The following STOX1 variants were observed in gnomAD, a reference collection of about 807,000 sequenced individuals.
The protein encoded by STOX1 is storkhead box 1.
Under a neutral mutation model 74.8 loss-of-function variants are expected in STOX1, and 57 were observed. That is an observed-to-expected ratio of 0.76 (90% CI 0.62 to 0.95). The LOEUF (loss-of-function observed/expected upper bound fraction) is 0.95, where lower values mean the gene tolerates loss of function less well. STOX1 is among the 40% of genes least tolerant of loss of function. The pLI is 0.00. For synonymous variants in STOX1, 375 were observed against 401.3 expected, an observed-to-expected ratio of 0.93 and a Z score of 0.78; for missense variants, 1,010 against 1,117.0, an observed-to-expected ratio of 0.90 and a Z score of 1.37.
chr10:68,883,898 T>A (rs1057014042), intron 2 of STOX1, among the ~76,000 whole-genome samples: 2 of 151,608 alleles, frequency 1.3e-5, no homozygotes, highest in Non-Finnish European at 2.9e-5. Flanking sequence ...TGTTTAAAAA[T>A]TTTTTTGTAG....
In STOX1 at chr10:68,886,152, A is replaced by G. The variant is rs1424530060; in HGVS notation, c.2356A>G (p.Met786Val). The change falls in exon 3 of 4, where the codon ATG becomes GTG. Residue 786 changes from methionine (M) to valine (V), a missense_variant. Met to Val is a conservative substitution (Grantham distance 21). Transcript: ENST00000298596. ...ATCTCTGACCGAGTACAACAGCACA[A>G]TGGAGAGGGTTGAGTCTCAGGTGCT... ...ERSLTEYNSTMERVESQVLKR... is the reference protein window; with the variant it reads ...ERSLTEYNSTVERVESQVLKR... The G allele has an allele frequency of 1.7e-5, 27 of 1,614,100 alleles. No homozygotes were observed. Among genetic ancestry groups the G allele is most frequent in the East Asian group, 4.5e-5 (2 of 44,902 alleles).
At chr10:68,868,219 G>A (rs1217455150) in intron 1 of STOX1, among the ~76,000 whole-genome samples, 3 of 152,176 alleles carry the variant, frequency 2.0e-5, no homozygotes, top group African/African-American at 7.2e-5. Flanking sequence ...GGGATCGGGG[G>A]GCTAACAGCC....
intron 1 of STOX1, chr10:68,829,057 A>G (rs574406120): frequency 1.1e-6 from 1 of 929,418 alleles, no homozygotes; most frequent in African/African-American, 1.8e-5. Context: ...TGCAAGGGCC[A>G]TTTGATGGTG....
At chr10:68,836,824 C>T (rs979679316) in intron 1 of STOX1, among the ~76,000 whole-genome samples, 6 of 152,232 alleles carry the variant, frequency 3.9e-5, no homozygotes, top group Admixed American at 3.9e-4. Context: ...TCATCTGTGT[C>T]AGGAGGCCTC....
intron 3 of STOX1, among the ~76,000 whole-genome samples, chr10:68,892,128 G>A (rs1841112902): frequency 6.6e-6 from 1 of 152,076 alleles, no homozygotes; most frequent in East Asian, 1.9e-4. Flanking sequence ...TGAGTTAGCT[G>A]AAGCAAGGCA....
intron 1 of STOX1, among the ~76,000 whole-genome samples, chr10:68,860,058 G>A (rs370851629): frequency 2.0e-4 from 31 of 152,026 alleles, no homozygotes; most frequent in African/African-American, 7.2e-4. Flanking sequence ...ATGGGAGGTC[G>A]AGATGGGCAG....
chr10:68,885,710 GCATAGTCTGC>G lies in STOX1; in HGVS notation c.1918_1927del (p.Ser640HisfsTer16), dbSNP rs758203492. Reference sequence around the variant, plus strand: ...AATTAGGGGAGACCAAACAGACTCCGCATAGTCTGCCATCACGAGGTGCCTCCTTTTCAGA... The same window carrying G: ...AATTAGGGGAGACCAAACAGACTCCGCATCACGAGGTGCCTCCTTTTCAGA... On this transcript the variant is annotated frameshift_variant, in exon 3 of 4. Coordinates refer to ENST00000298596, the MANE Select transcript of STOX1 (RefSeq NM_152709.5). LOFTEE classifies it high-confidence loss of function. 6.2e-6 allele frequency: 10 copies of G among 1,613,982 alleles called. No homozygotes were observed. Among genetic ancestry groups the G allele is most frequent in the Non-Finnish European group, 8.5e-6 (10 of 1,180,044 alleles).
chr10:68,841,168 A>T (rs915631222), intron 1 of STOX1, among the ~76,000 whole-genome samples: 2 of 150,790 alleles, frequency 1.3e-5, no homozygotes, highest in Admixed American at 1.3e-4. Context: ...GCTGGTCTTG[A>T]ACTCTTGACC....
At chr10:68,891,355 TAAG>T (rs2132007694) in intron 3 of STOX1, among the ~76,000 whole-genome samples, 1 of 152,254 alleles carries the variant, frequency 6.6e-6, no homozygotes, top group South Asian at 2.1e-4. Flanking sequence ...AAGTTGAACT[TAAG>T]AACAAAGCAT....
At chr10:68,857,909 T>C (rs1469960799) in intron 1 of STOX1, among the ~76,000 whole-genome samples, 3 of 151,948 alleles carry the variant, frequency 2.0e-5, no homozygotes, top group Non-Finnish European at 4.4e-5. Context: ...GTGGGGCACT[T>C]GGGAGAGGGG....
At chr10:68,850,264 T>A (rs574717520) in intron 1 of STOX1, among the ~76,000 whole-genome samples, 1 of 152,344 alleles carries the variant, frequency 6.6e-6, no homozygotes, top group African/African-American at 2.4e-5. Context: ...TGCCTCGGCC[T>A]CCCAAAGTGC....
At chr10:68,883,144 A>G (rs868246216) in intron 2 of STOX1, among the ~76,000 whole-genome samples, 2 of 151,924 alleles carry the variant, frequency 1.3e-5, no homozygotes, top group Middle Eastern at 3.4e-3. Context: ...TTGGGAGGCC[A>G]AGGTGGGCGG....
At chr10:68,846,116 GTTTTTA>G (rs554202076) in intron 1 of STOX1, among the ~76,000 whole-genome samples, 7,024 of 93,822 alleles carry the variant, frequency 0.075, 190 homozygotes, top group South Asian at 0.12. Context: ...ATGGCTTGAG[GTTTTTA>G]TTATTATTAT....
chr10:68,851,701 T>C (rs1839987031), intron 1 of STOX1, among the ~76,000 whole-genome samples: 1 of 151,332 alleles, frequency 6.6e-6, no homozygotes, highest in South Asian at 2.1e-4. Flanking sequence ...GTTAGCTGGG[T>C]GTGGTGGTGT....
chr10:68,834,722 T>C (rs779776276), intron 1 of STOX1, among the ~76,000 whole-genome samples: 4 of 152,198 alleles, frequency 2.6e-5, no homozygotes, highest in Non-Finnish European at 5.9e-5. Flanking sequence ...TTTGGAATTA[T>C]TTTTTCTTTT....
rs1051661142 is a variant in STOX1 at position 68,860,708 on chromosome 10, T to G, written c.311-21250T>G. On this transcript the variant is annotated intron_variant, in intron 1 of 3. Transcript: ENST00000298596. ...AGGCGAGGGAAAATTTGATTGGGTG[T>G]GTGTGTTAAATGGGCCAACCAGTGT... 8.6e-5 allele frequency among the ~76,000 whole-genome samples: 13 copies of G among 151,692 alleles called. 1 individual carries two copies. The highest frequency in any genetic ancestry group is 2.9e-4 in the African/African-American group (12 of 41,166).
chr10:68,876,991 A>C (rs542583611), intron 1 of STOX1, among the ~76,000 whole-genome samples: 429 of 152,302 alleles, frequency 2.8e-3, no homozygotes, highest in African/African-American at 9.6e-3. Context: ...CATGTCTGTC[A>C]TAAGTGTTCC....
Position 68,892,831 on chromosome 10 carries a change from C to T in STOX1, c.*95C>T, listed in dbSNP as rs1415557515. On this transcript the variant is annotated 3_prime_UTR_variant, in exon 4 of 4. Transcript: ENST00000298596. Reference sequence around the variant, plus strand: ...TAAGAATTGAGTATATAAGAATTGTCTAAAGGCAAGCATATCTATACTATT... The same window carrying T: ...TAAGAATTGAGTATATAAGAATTGTTTAAAGGCAAGCATATCTATACTATT... 2 of 1,371,348 alleles carry T rather than the reference C, an allele frequency of 1.5e-6. No homozygotes were observed. The highest frequency in any genetic ancestry group is 2.0e-6 in the Non-Finnish European group (2 of 984,284). 84.9% of individuals were successfully genotyped at this position (1,371,348 alleles called of 1,614,324 possible).
intron 2 of STOX1, among the ~76,000 whole-genome samples, 173 bp from the exon 3 acceptor site, chr10:68,884,087 G>A (rs12260548): frequency 0.027 from 4,099 of 152,274 alleles, 181 homozygotes; most frequent in African/African-American, 0.093. Context: ...CCAAAACTCT[G>A]GGATTATAGG....
Sources: allele counts gnomAD v4.1 joint callset (sites outside exome capture counted in the v4.1 genomes callset), GRCh38; gene constraint gnomAD v4.1.1; transcripts MANE v1.5; gene names NCBI Gene and HGNC (gene_info 2026-07-23, HGNC 2026-07-21).